ZNF683: variants seen among roughly 807,000 people sequenced by gnomAD.
The protein encoded by ZNF683 is zinc finger protein 683.
A neutral mutation model predicts 31.4 loss-of-function variants in ZNF683; 20 were observed. That is an observed-to-expected ratio of 0.64 (90% CI 0.45 to 0.93). The LOEUF (loss-of-function observed/expected upper bound fraction) is 0.93, where lower values mean the gene tolerates loss of function less well. Among genes scored for constraint, ZNF683 ranks in the 40% least tolerant of loss-of-function variants. The probability of loss-of-function intolerance (pLI) is 0.00; values close to 1 mark genes in which losing one functional copy is unlikely to be tolerated. For synonymous variants in ZNF683, 264 were observed against 267.6 expected (o/e 0.99, Z 0.13); for missense variants, 621 against 637.2 (o/e 0.97, Z 0.27).
intron 1 of ZNF683, chr1:26,370,777 T>C: frequency 1.0e-6 from 1 of 972,498 alleles, no homozygotes; most frequent in Non-Finnish European, 1.2e-6. Flanking sequence ...GGCAGGAAGG[T>C]GTTACATTTG....
At chr1:26,372,891 C>A, upstream of ZNF683, 4 of 1,135,376 alleles carry the variant, frequency 3.5e-6, no homozygotes, top group Non-Finnish European at 4.4e-6. Context: ...CAGGCAGAGG[C>A]TGCTCCATGT....
At chr1:26,363,737 G>GGA (rs1459539468) in intron 4 of ZNF683, among the ~76,000 whole-genome samples, 4 of 134,942 alleles carry the variant, frequency 3.0e-5, no homozygotes, top group East Asian at 4.5e-4. Context: ...ACTCCATATG[G>GGA]AAAAAAAAAA....
At chr1:26,367,420 C>A (rs2074549615) in intron 3 of ZNF683, among the ~76,000 whole-genome samples, 173 bp downstream of exon 3, 1 of 152,132 alleles carries the variant, frequency 6.6e-6, no homozygotes, top group African/African-American at 2.4e-5. Context: ...CTCGAAAGCC[C>A]CCTGCACCCT....
At chr1:26,362,761 A>G (rs1485613639) in intron 5 of ZNF683, among the ~76,000 whole-genome samples, 3 of 152,164 alleles carry the variant, frequency 2.0e-5, no homozygotes, top group African/African-American at 7.2e-5. Flanking sequence ...AACTCCTCCA[A>G]TAACTCAGGG....
chr1:26,365,287 T>A, intron 3 of ZNF683, 61 bp from the exon 4 acceptor site: 1 of 1,493,292 alleles, frequency 6.7e-7, no homozygotes, highest in Non-Finnish European at 8.9e-7. Flanking sequence ...CTGTCCGCCA[T>A]CAAACCTGCC....
chr1:26,372,590 C>A (rs1370865052), intron 1 of ZNF683, 79 bp downstream of exon 1: 2 of 1,304,934 alleles, frequency 1.5e-6, no homozygotes, highest in East Asian at 1.1e-4. Context: ...CTGCTCCCAA[C>A]TCTCAGAACA....
At position 26,361,790 on chromosome 1, in the gene ZNF683, A is replaced by C. The variant is rs1189289828; in HGVS notation, c.1376T>G (p.Met459Arg). ...CATGTGTTTCTCAGATGCCACCGCC[A>C]TAAGATCTAGTGCCCCCTGGTGCCA... ...AQWHQGALDL[M>R]AVASEKHMGY... Residue 459 changes from methionine (M) to arginine (R), a missense_variant, in exon 6 of 6, where the codon ATG becomes AGG. Coordinates refer to ENST00000349618, the MANE Select transcript of ZNF683 (RefSeq NM_001114759.3). 2 of 1,613,918 alleles carry C rather than the reference A, an allele frequency of 1.2e-6. No homozygotes were observed. Among genetic ancestry groups the C allele is most frequent in the Admixed American group, 3.3e-5 (2 of 60,010 alleles).
In ZNF683 at chr1:26,365,039, G is replaced by C. The variant is rs1570250769; in HGVS notation, c.507C>G (p.Pro169=). The C allele has an allele frequency of 7.5e-6, 12 of 1,594,668 alleles. No individual in the cohort carries two copies. In the East Asian group the frequency reaches 2.7e-4, roughly 36 times the overall value. The change falls in exon 4 of 6, where the codon CCC becomes CCG. Residue 169 remains proline (P), a synonymous_variant. Transcript: ENST00000349618. The part of the protein sequence containing the change: ...PPLQNRKSPS[P]LAFCPCPPVN... Reference sequence around the variant, plus strand: ...CAGGGGGACAGGGGCAGAAAGCCAAGGGGCTGGGGCTCTTTCTGTTCTGCA... The same window carrying C: ...CAGGGGGACAGGGGCAGAAAGCCAACGGGCTGGGGCTCTTTCTGTTCTGCA...
At chr1:26,372,170 G>A (rs1294654571) in intron 1 of ZNF683, among the ~76,000 whole-genome samples, 1 of 152,164 alleles carries the variant, frequency 6.6e-6, no homozygotes, top group Non-Finnish European at 1.5e-5. Context: ...AGAATATACA[G>A]GGACATCTCA....
intron 3 of ZNF683, among the ~76,000 whole-genome samples, chr1:26,365,639 G>A (rs1350100729): frequency 6.6e-6 from 1 of 152,230 alleles, no homozygotes; most frequent in Non-Finnish European, 1.5e-5. Flanking sequence ...ACAGTGCTCA[G>A]CAGGTATAGT....
chr1:26,374,233 G>T (rs1003765478), upstream of ZNF683: 59 of 1,302,802 alleles, frequency 4.5e-5, no homozygotes, highest in Admixed American at 1.6e-4. Context: ...GAAGTGAGGG[G>T]CACCGAGTGA....
chr1:26,370,607 G>T (rs541731259), intron 1 of ZNF683: 1 of 965,138 alleles, frequency 1.0e-6, no homozygotes. Context: ...TCCTCCCAAC[G>T]CTGCTTCAGG....
rs751108472 is a variant in ZNF683, at chr1:26,368,446, G to A, written c.114+12C>T. 1 of 1,565,138 alleles carries A rather than the reference G, an allele frequency of 6.4e-7. No individual in the cohort carries two copies. Among genetic ancestry groups the A allele is most frequent in the South Asian group, 1.2e-5 (1 of 83,498 alleles). On this transcript the variant is annotated intron_variant, in intron 2 of 5. Coordinates refer to ENST00000349618, the MANE Select transcript of ZNF683 (RefSeq NM_001114759.3). ...GACTACCCACAAAGGTAAGGCTGGG[G>A]TTCTACCTTACCTGGTCACCTCGGA...
At chr1:26,374,325 G>A (rs943902042), upstream of ZNF683, 1 of 1,303,792 alleles carries the variant, frequency 7.7e-7, no homozygotes, top group East Asian at 5.6e-5. Context: ...ATCACACTCT[G>A]CTCCCAGCTC....
chr1:26,367,200 A>C (rs2074544361), intron 3 of ZNF683, among the ~76,000 whole-genome samples: 1 of 151,986 alleles, frequency 6.6e-6, no homozygotes, highest in Non-Finnish European at 1.5e-5. Flanking sequence ...TGGGAGGCAG[A>C]GGTTGCGGTG....
At chr1:26,363,984 A>C (rs1158469101) in intron 4 of ZNF683, among the ~76,000 whole-genome samples, 3 of 152,196 alleles carry the variant, frequency 2.0e-5, no homozygotes, top group Admixed American at 2.0e-4. Flanking sequence ...ACGCACTGAG[A>C]TGCGCTCCCT....
chr1:26,373,702 T>C (rs78292075), upstream of ZNF683, among the ~76,000 whole-genome samples: 4,026 of 152,302 alleles, frequency 0.026, 161 homozygotes, highest in African/African-American at 0.092. Flanking sequence ...CCTCCTGAAA[T>C]GGTTTTTGTA....
At chr1:26,368,673 G>A in intron 1 of ZNF683, 88 bp from the exon 2 acceptor site, 1 of 1,398,836 alleles carries the variant, frequency 7.1e-7, no homozygotes, top group Non-Finnish European at 9.5e-7. Context: ...TTAACATGCT[G>A]CATGACCACA....
Position 26,363,099 on chromosome 1 carries a change from T to C in ZNF683, c.1070A>G (p.Lys357Arg), listed in dbSNP as rs777149400. ...CAGGTGGGCAAGTTGAGTGAAGCTC[T>C]TCTGGCACAAGGCACACTGGAATGG... ...ERPFQCALCQ[K>R]SFTQLAHLQK... Residue 357 changes from lysine (K) to arginine (R), a missense_variant, in exon 5 of 6, where the codon AAG becomes AGG. Lys to Arg is a conservative substitution (Grantham distance 26). Coordinates refer to ENST00000349618, the MANE Select transcript of ZNF683 (RefSeq NM_001114759.3). The C allele has an allele frequency of 1.1e-5, 18 of 1,612,706 alleles. No individual in the cohort carries two copies. In the Admixed American group the frequency reaches 2.7e-4, roughly 24 times the overall value.
Sources: allele counts gnomAD v4.1 joint callset (sites outside exome capture counted in the v4.1 genomes callset), GRCh38; gene constraint gnomAD v4.1.1; transcripts MANE v1.5; gene names NCBI Gene and HGNC (gene_info 2026-07-23, HGNC 2026-07-21).